The following EFHC1 variants were observed in gnomAD, a reference collection of about 807,000 sequenced individuals.
EFHC1 encodes the protein EF-hand domain containing 1, also known as EF-hand domain-containing protein 1.
Under a neutral mutation model 69.9 loss-of-function variants are expected in EFHC1, and 53 were observed. That is an observed-to-expected ratio of 0.76 (90% CI 0.61 to 0.95). The LOEUF is 0.95. Ranked by LOEUF, EFHC1 falls within the 40% of genes least tolerant of loss-of-function variation. The probability of loss-of-function intolerance (pLI) is 0.00; values close to 1 mark genes in which losing one functional copy is unlikely to be tolerated. For synonymous variants in EFHC1, 256 were observed against 278.4 expected (o/e 0.92, Z 0.80); for missense variants, 739 against 798.7 (o/e 0.93, Z 0.90).
rs143254681 is a variant in EFHC1, at chr6:52,479,028, C to T, written c.1279-9C>T. 19 of 1,612,554 alleles carry T rather than the reference C, an allele frequency of 1.2e-5. No individual in the cohort carries two copies. The African/African-American group carries it at 2.1e-4, about 18-fold the overall frequency. The stretch of plus-strand genomic sequence containing the variant: ...CCTTCATAATATCCTCTTTTCTTCA[C>T]CTTTGTAGGAATCCCCCATCCCAGA... On this transcript the variant is annotated splice_polypyrimidine_tract_variant and intron_variant, in intron 7 of 10. Coordinates refer to ENST00000371068, the MANE Select transcript of EFHC1 (RefSeq NM_018100.4).
chr6:52,427,943 C>G (rs1764336030), intron 2 of EFHC1, among the ~76,000 whole-genome samples: 1 of 151,934 alleles, frequency 6.6e-6, no homozygotes, highest in Admixed American at 6.6e-5. Context: ...GTTAGAAGAC[C>G]TGGATTCTAA....
At chr6:52,464,332 A>G (rs1765244782) in intron 5 of EFHC1, among the ~76,000 whole-genome samples, 1 of 152,212 alleles carries the variant, frequency 6.6e-6, no homozygotes, top group Non-Finnish European at 1.5e-5. Flanking sequence ...TCCTCATAGC[A>G]GTGATTACAA....
intron 2 of EFHC1, among the ~76,000 whole-genome samples, chr6:52,433,125 T>C (rs1380383198): frequency 6.6e-6 from 1 of 152,166 alleles, no homozygotes; most frequent in Admixed American, 6.5e-5. Flanking sequence ...GGCTTTGCCT[T>C]TCTCTGGTGC....
At chr6:52,439,131 A>G (rs1375811212) in intron 3 of EFHC1, among the ~76,000 whole-genome samples, 1 of 152,162 alleles carries the variant, frequency 6.6e-6, no homozygotes, top group African/African-American at 2.4e-5. Context: ...TCTATTTCGT[A>G]AGTTTGGATT....
chr6:52,428,479 T>C (rs1409148383), intron 2 of EFHC1, among the ~76,000 whole-genome samples: 1 of 152,238 alleles, frequency 6.6e-6, no homozygotes, highest in Non-Finnish European at 1.5e-5. Context: ...CTTAGAATAA[T>C]AGTCTCCAGT....
At position 52,472,114 on chromosome 6, in the gene EFHC1, A is replaced by G. The variant is rs189474010; in HGVS notation, c.1278+2641A>G. ...AATATGATTTAAAAATAAAACTCGC[A>G]TATACCCCTGAACCTAAAATAAAAG... On this transcript the variant is annotated intron_variant, in intron 7 of 10. Coordinates refer to ENST00000371068, the MANE Select transcript of EFHC1 (RefSeq NM_018100.4). 1.4e-3 allele frequency among the ~76,000 whole-genome samples: 206 copies of G among 150,908 alleles called. 1 individual carries two copies. Among genetic ancestry groups the G allele is most frequent in the African/African-American group, 5.0e-3 (204 of 40,482 alleles).
intron 7 of EFHC1, 147 bp from the exon 8 acceptor site, chr6:52,478,889 CA>C (rs1765602190): frequency 1.3e-6 from 1 of 742,304 alleles, no homozygotes; most frequent in South Asian, 1.7e-5. Context: ...CCAGAGACAC[CA>C]GAGTTTCCCC....
At chr6:52,427,539 A>G (rs1421312777) in intron 2 of EFHC1, among the ~76,000 whole-genome samples, 1 of 129,646 alleles carries the variant, frequency 7.7e-6, no homozygotes, top group South Asian at 2.5e-4. Context: ...TCATTTTTCT[A>G]TATCACTTCC....
At chr6:52,438,087 C>G (rs578144174) in intron 2 of EFHC1, among the ~76,000 whole-genome samples, 1 of 152,058 alleles carries the variant, frequency 6.6e-6, no homozygotes, top group African/African-American at 2.4e-5. Context: ...CCACTCTTAG[C>G]TTGCAGGTCA....
At position 52,463,756 on chromosome 6, in the gene EFHC1, T is replaced by G. The variant is rs113354436; in HGVS notation, c.917-1139T>G. ...TGGAATATTGTATACTAAAGGAAGT[T>G]AATATAATCACAAGCTATGTCCCTC... On this transcript the variant is annotated intron_variant, in intron 5 of 10. Transcript: ENST00000371068. Among the ~76,000 whole-genome samples, 1,119 of 152,298 alleles carry G rather than the reference T, an allele frequency of 7.3e-3. 6 individuals are homozygous for G. Among genetic ancestry groups the G allele is most frequent in the Non-Finnish European group, 0.013 (864 of 68,004 alleles).
At chr6:52,484,012 A>T (rs959863419) in intron 9 of EFHC1, 1 of 152,318 alleles carries the variant, frequency 6.6e-6, no homozygotes, top group Non-Finnish European at 1.5e-5. Context: ...TGAAGTCAGG[A>T]GAAGTTTTTG....
chr6:52,430,978 T>C (rs547643612), intron 2 of EFHC1, among the ~76,000 whole-genome samples: 3 of 152,306 alleles, frequency 2.0e-5, no homozygotes, highest in Non-Finnish European at 2.9e-5. Flanking sequence ...TTCTAGTTTA[T>C]GTGCGTAAAG....
intron 3 of EFHC1, among the ~76,000 whole-genome samples, chr6:52,443,443 C>A (rs1048462064): frequency 6.6e-6 from 1 of 152,070 alleles, no homozygotes; most frequent in Non-Finnish European, 1.5e-5. Flanking sequence ...AGTCTTTAAT[C>A]CATCTTGAAT....
intron 3 of EFHC1, among the ~76,000 whole-genome samples, chr6:52,441,840 G>C (rs1764672242): frequency 6.6e-6 from 1 of 151,998 alleles, no homozygotes; most frequent in Admixed American, 6.6e-5. Context: ...GTATTCCTAG[G>C]TATCTTATTC....
Position 52,496,966 on chromosome 6 carries a change from C to CTAT in EFHC1, c.*4628_*4630dup. The CTAT allele has an allele frequency of 6.6e-6, 1 of 152,350 alleles. No individual in the cohort carries two copies. The highest frequency in any genetic ancestry group is 6.5e-5 in the Admixed American group (1 of 15,306). 9.4% of individuals were successfully genotyped at this position (152,350 alleles called of 1,614,324 possible). ...ATGTAAGTGACACCAGCAATCCCCACTATTACTAATACTTGGATGTCTTCT... is the reference window on the plus strand; with the variant it reads ...ATGTAAGTGACACCAGCAATCCCCACTATTATTACTAATACTTGGATGTCTTCT... On this transcript the variant is annotated 3_prime_UTR_variant, in exon 11 of 11. Transcript: ENST00000371068.
In EFHC1 at chr6:52,494,475, A is replaced by G. The variant is rs570595236; in HGVS notation, c.*2134A>G. 2.1e-4 allele frequency: 97 copies of G among 454,096 alleles called. 1 individual carries two copies. Among genetic ancestry groups the G allele is most frequent in the South Asian group, 8.1e-4 (52 of 64,474 alleles). 28.1% of individuals were successfully genotyped at this position (454,096 alleles called of 1,614,324 possible). A position where few individuals can be genotyped will look rare whatever the true frequency, so the allele number is the denominator to read the frequency against. On this transcript the variant is annotated 3_prime_UTR_variant, in exon 11 of 11. Transcript: ENST00000371068. ...TCTGGGAAAGGTTAAGCGGGTAGAA[A>G]CCAGAGAAAAAGGGCAAAGTCTTAT...
intron 6 of EFHC1, among the ~76,000 whole-genome samples, chr6:52,467,647 G>T (rs1487172639): frequency 6.6e-6 from 1 of 152,110 alleles, no homozygotes; most frequent in African/African-American, 2.4e-5. Flanking sequence ...GTAGATTTTG[G>T]TTGGTTGTTT....
chr6:52,465,342 T>G (rs1035196900), intron 6 of EFHC1, among the ~76,000 whole-genome samples: 3 of 152,150 alleles, frequency 2.0e-5, no homozygotes, highest in African/African-American at 7.2e-5. Flanking sequence ...TTGGATCTGT[T>G]CAATTTTAAA....
At chr6:52,470,230 C>T (rs9474226) in intron 7 of EFHC1, among the ~76,000 whole-genome samples, 6,322 of 151,956 alleles carry the variant, frequency 0.042, 227 homozygotes, top group East Asian at 0.14. Context: ...TTTTAGAAAA[C>T]GATTGCACAA....
Sources: allele counts gnomAD v4.1 joint callset (sites outside exome capture counted in the v4.1 genomes callset), GRCh38; gene constraint gnomAD v4.1.1; transcripts MANE v1.5; gene names NCBI Gene and HGNC (gene_info 2026-07-23, HGNC 2026-07-21).